Variants in CSNK1G1 observed in about 807,000 individuals in gnomAD.
CSNK1G1 encodes casein kinase I isoform gamma-1.
A neutral mutation model predicts 59.6 loss-of-function variants in CSNK1G1; 22 were observed. The observed-to-expected ratio is 0.37, with a 90% CI of 0.26 to 0.53. The LOEUF (loss-of-function observed/expected upper bound fraction) is 0.53. CSNK1G1 is among the 20% of genes least tolerant of loss of function. CSNK1G1 has a pLI of 0.89. For synonymous variants in CSNK1G1, 179 were observed against 177.1 expected (o/e 1.01, Z -0.08); for missense variants, 384 against 519.5 (o/e 0.74, Z 2.54).
chr15:64,275,089 C>A (rs953490589), intron 2 of CSNK1G1, among the ~76,000 whole-genome samples: 5 of 152,198 alleles, frequency 3.3e-5, no homozygotes, highest in Non-Finnish European at 7.3e-5. Context: ...GTTGCCCAGG[C>A]TGGAGTGCAG....
intron 1 of CSNK1G1, among the ~76,000 whole-genome samples, chr15:64,346,318 T>C (rs1035696636): frequency 2.0e-5 from 3 of 149,970 alleles, no homozygotes; most frequent in Non-Finnish European, 3.0e-5. Context: ...AAAAAAAAAC[T>C]AACTTAAAAT....
chr15:64,211,366 A>G (rs2082247144), intron 6 of CSNK1G1, among the ~76,000 whole-genome samples: 1 of 152,268 alleles, frequency 6.6e-6, no homozygotes, highest in African/African-American at 2.4e-5. Flanking sequence ...GGCATGGGAA[A>G]GAGTTTAAAA....
intron 2 of CSNK1G1, among the ~76,000 whole-genome samples, chr15:64,260,727 G>A (rs1424476421): frequency 6.6e-6 from 1 of 152,094 alleles, no homozygotes; most frequent in East Asian, 1.9e-4. Context: ...AACAGAGTGA[G>A]ACTCCATCTC....
At chr15:64,199,810 G>A (rs562732363) in intron 10 of CSNK1G1, among the ~76,000 whole-genome samples, 4 of 151,760 alleles carry the variant, frequency 2.6e-5, no homozygotes, top group Admixed American at 6.6e-5. Flanking sequence ...GCGAGATCGC[G>A]CCACTGCACA....
intron 4 of CSNK1G1, among the ~76,000 whole-genome samples, chr15:64,223,078 T>C (rs892571339): frequency 7.2e-5 from 11 of 152,160 alleles, no homozygotes; most frequent in African/African-American, 2.2e-4. Context: ...AAGCTCCCCA[T>C]GCAAGTTCTA....
intron 1 of CSNK1G1, among the ~76,000 whole-genome samples, chr15:64,303,753 G>C (rs948567801): frequency 8.8e-6 from 1 of 114,066 alleles, no homozygotes; most frequent in African/African-American, 3.2e-5. Flanking sequence ...CCCGTCTCAA[G>C]AAAAAAAAAA....
chr15:64,191,840 G>A (rs1567364475), intron 10 of CSNK1G1, among the ~76,000 whole-genome samples: 3 of 152,134 alleles, frequency 2.0e-5, no homozygotes, highest in Non-Finnish European at 4.4e-5. Flanking sequence ...TAGGGGTTGC[G>A]GGTTTATTAC....
At chr15:64,297,079 C>G (rs1367654986) in intron 2 of CSNK1G1, among the ~76,000 whole-genome samples, 1 of 150,604 alleles carries the variant, frequency 6.6e-6, no homozygotes, top group Non-Finnish European at 1.5e-5. Context: ...ATCCTTCCAT[C>G]TCATAAATAA....
At chr15:64,262,208 T>C (rs562047963) in intron 2 of CSNK1G1, among the ~76,000 whole-genome samples, 1 of 152,202 alleles carries the variant, frequency 6.6e-6, no homozygotes, top group Non-Finnish European at 1.5e-5. Flanking sequence ...TCACCCTTCA[T>C]AGACTGTATT....
intron 1 of CSNK1G1, 93 bp from the exon 2 acceptor site, chr15:64,300,816 G>A (rs888466315): frequency 1.3e-6 from 1 of 748,818 alleles, no homozygotes; most frequent in African/African-American, 1.8e-5. Flanking sequence ...CTATCCAAAG[G>A]TGAGCAAAAT....
chr15:64,209,752 C>G (rs909061841), intron 6 of CSNK1G1, among the ~76,000 whole-genome samples: 5 of 152,098 alleles, frequency 3.3e-5, no homozygotes, highest in African/African-American at 4.8e-5. Context: ...TGGAGGCCTC[C>G]CACAAAGCAG....
chr15:64,259,298 G>A, intron 2 of CSNK1G1, 57 bp from the exon 3 acceptor site: 1 of 1,268,984 alleles, frequency 7.9e-7, no homozygotes, highest in Non-Finnish European at 1.1e-6. Context: ...GAAAAGCAAA[G>A]CAAAATATTA....
chr15:64,232,150 T>C (rs1055987357), intron 4 of CSNK1G1, among the ~76,000 whole-genome samples: 1 of 152,220 alleles, frequency 6.6e-6, no homozygotes, highest in African/African-American at 2.4e-5. Flanking sequence ...GTTAGACTGC[T>C]GAAAGCACAA....
At chr15:64,316,810 TTC>T in intron 1 of CSNK1G1, 1 of 152,272 alleles carries the variant, frequency 6.6e-6, no homozygotes, top group East Asian at 1.9e-4. Flanking sequence ...CTCTGTCCTG[TTC>T]TGTTCCATTC....
At chr15:64,263,467 T>C (rs1892806589) in intron 2 of CSNK1G1, among the ~76,000 whole-genome samples, 1 of 151,870 alleles carries the variant, frequency 6.6e-6, no homozygotes, top group Non-Finnish European at 1.5e-5. Flanking sequence ...GATTACAGGT[T>C]TGAGCCACCG....
At chr15:64,181,412 T>C in intron 10 of CSNK1G1, 1 of 1,531,916 alleles carries the variant, frequency 6.5e-7, no homozygotes, top group Non-Finnish European at 8.7e-7. Flanking sequence ...CAAAACACTC[T>C]GCTTGTTAAA....
intron 2 of CSNK1G1, among the ~76,000 whole-genome samples, chr15:64,286,989 T>C (rs946058463): frequency 4.6e-5 from 7 of 152,216 alleles, no homozygotes; most frequent in African/African-American, 1.7e-4. Flanking sequence ...CATGTAATTA[T>C]ATTAAATGCT....
At chr15:64,241,704 C>G (rs1200325675) in intron 4 of CSNK1G1, among the ~76,000 whole-genome samples, 1 of 151,690 alleles carries the variant, frequency 6.6e-6, no homozygotes, top group Non-Finnish European at 1.5e-5. Context: ...TCCTGAATAA[C>G]TATAGTGTCA....
chr15:64,198,422 T>A (rs1246423949), intron 10 of CSNK1G1, among the ~76,000 whole-genome samples: 2 of 151,810 alleles, frequency 1.3e-5, no homozygotes, highest in African/African-American at 4.8e-5. Context: ...GCCAGGCTGG[T>A]CTCGAACTCC....
Sources: allele counts gnomAD v4.1 joint callset (sites outside exome capture counted in the v4.1 genomes callset), GRCh38; gene constraint gnomAD v4.1.1; transcripts MANE v1.5; gene names NCBI Gene and HGNC (gene_info 2026-07-23, HGNC 2026-07-21).